The following RBM47 variants were observed in gnomAD, a reference collection of about 807,000 sequenced individuals.
The protein encoded by RBM47 is RNA-binding protein 47.
Under a neutral mutation model 47.1 loss-of-function variants are expected in RBM47, and 21 were observed. The ratio of observed to expected loss-of-function variants is 0.45; its 90% CI spans 0.32 to 0.64. RBM47 has a LOEUF of 0.64. Ranked by LOEUF, RBM47 falls within the 30% of genes least tolerant of loss-of-function variation. The pLI is 0.05. For missense variants in RBM47, 708 were observed against 870.9 expected (o/e 0.81, Z 2.35); for synonymous variants, 375 against 361.7 (o/e 1.04, Z -0.42).
At chr4:40,512,662 C>T (rs1725090389) in intron 2 of RBM47, among the ~76,000 whole-genome samples, 1 of 148,334 alleles carries the variant, frequency 6.7e-6, no homozygotes, top group African/African-American at 2.5e-5. Context: ...TTGCAGTGAG[C>T]CGAGATTGTG....
intron 1 of RBM47, among the ~76,000 whole-genome samples, chr4:40,616,523 G>A (rs981291861): frequency 7.9e-5 from 12 of 151,922 alleles, no homozygotes; most frequent in African/African-American, 2.7e-4. Flanking sequence ...AGCTTCCACC[G>A]CTATAAGCTC....
chr4:40,426,204 A>G, intron 6 of RBM47, 61 bp from the exon 7 acceptor site: 1 of 1,558,382 alleles, frequency 6.4e-7, no homozygotes, highest in Non-Finnish European at 8.7e-7. Context: ...TCATCCATTC[A>G]TTCAACAAGC....
rs992951705 is a variant in RBM47, at chr4:40,423,893, A to G, written c.*2011T>C. 3 of 152,466 alleles carry G rather than the reference A, an allele frequency of 2.0e-5. No homozygotes were observed. The highest frequency in any genetic ancestry group is 6.6e-5 in the Admixed American group (1 of 15,238). 9.4% of individuals were successfully genotyped at this position (152,466 alleles called of 1,614,324 possible). ...GGGATGAGGATCTGATCCGAATTAC[A>G]TTTTGTCGAGTCACTCATTCCCACA... On this transcript the variant is annotated 3_prime_UTR_variant, in exon 7 of 7. Coordinates refer to ENST00000295971, the MANE Select transcript of RBM47 (RefSeq NM_001098634.2).
intron 2 of RBM47, among the ~76,000 whole-genome samples, chr4:40,529,488 C>G (rs1727136759): frequency 7.9e-6 from 1 of 126,272 alleles, no homozygotes; most frequent in Non-Finnish European, 1.6e-5. Context: ...TGCACTCCAG[C>G]CTGGGTGACA....
At chr4:40,594,509 T>TACTGG (rs61336297) in intron 1 of RBM47, among the ~76,000 whole-genome samples, 49,572 of 151,630 alleles carry the variant, frequency 0.33, 9,085 homozygotes, top group African/African-American at 0.49. Flanking sequence ...CTGTCAAAGC[T>TACTGG]ACTCCTCTGC....
intron 2 of RBM47, among the ~76,000 whole-genome samples, chr4:40,503,098 AT>A: frequency 6.6e-6 from 1 of 152,292 alleles, no homozygotes; most frequent in Non-Finnish European, 1.5e-5. Context: ...AAAGTCTGAC[AT>A]TTCTATCTTC....
chr4:40,573,829 AAGAAAG>A (rs1365254186), intron 1 of RBM47, among the ~76,000 whole-genome samples: 1 of 151,786 alleles, frequency 6.6e-6, no homozygotes, highest in East Asian at 1.9e-4. Flanking sequence ...GAAAGAAAGA[AAGAAAG>A]AGAAAGAAAG....
chr4:40,478,009 C>CTTTT lies in RBM47; in HGVS notation c.-154-11314_-154-11311dup, dbSNP rs1194806938. 4.9e-3 allele frequency among the ~76,000 whole-genome samples: 426 copies of CTTTT among 86,298 alleles called. 8 individuals are homozygous for CTTTT. Among genetic ancestry groups the CTTTT allele is most frequent in the African/African-American group, 8.5e-3 (176 of 20,614 alleles). 56.6% of individuals were successfully genotyped at this position (86,298 alleles called of 152,430 possible). On this transcript the variant is annotated intron_variant, in intron 2 of 6. Coordinates refer to ENST00000295971, the MANE Select transcript of RBM47 (RefSeq NM_001098634.2). ...TGCCACATGAGCCATGTGGCATGTT[C>CTTTT]TTTTTTTTTTTTTTTTTTTTTTTGA...
At chr4:40,495,222 G>A (rs1390449137) in intron 2 of RBM47, among the ~76,000 whole-genome samples, 2 of 152,122 alleles carry the variant, frequency 1.3e-5, no homozygotes, top group Non-Finnish European at 2.9e-5. Context: ...GATGACCGAG[G>A]TCCCATAGAA....
intron 1 of RBM47, among the ~76,000 whole-genome samples, chr4:40,596,862 G>A (rs1327125738): frequency 2.0e-5 from 3 of 152,022 alleles, no homozygotes; most frequent in Non-Finnish European, 4.4e-5. Context: ...TCTCTCCAGT[G>A]GTTTATTCCT....
chr4:40,618,801 T>A (rs1472111284), intron 1 of RBM47, among the ~76,000 whole-genome samples: 6 of 94,540 alleles, frequency 6.3e-5, no homozygotes, highest in Non-Finnish European at 9.3e-5. Flanking sequence ...AGAGCGAGAC[T>A]CCATCTCAAA....
chr4:40,606,916 G>C (rs1735811480), intron 1 of RBM47, among the ~76,000 whole-genome samples: 1 of 152,086 alleles, frequency 6.6e-6, no homozygotes, highest in South Asian at 2.1e-4. Flanking sequence ...CCAGGAGATC[G>C]AGGCTGCAGT....
chr4:40,623,840 C>CTTGTTTGT (rs10573363), intron 1 of RBM47, among the ~76,000 whole-genome samples: 23 of 150,446 alleles, frequency 1.5e-4, no homozygotes, highest in East Asian at 1.4e-3. Flanking sequence ...GAGGTATAAA[C>CTTGTTTGT]TTGTTTGTTT....
chr4:40,431,433 C>A (rs574650250), intron 6 of RBM47, among the ~76,000 whole-genome samples: 1 of 151,986 alleles, frequency 6.6e-6, no homozygotes, highest in Non-Finnish European at 1.5e-5. Context: ...CCAAGGTGGG[C>A]GGATCACGAG....
At chr4:40,571,899 T>C (rs1248915177) in intron 1 of RBM47, among the ~76,000 whole-genome samples, 5 of 151,634 alleles carry the variant, frequency 3.3e-5, no homozygotes, top group Non-Finnish European at 5.9e-5. Flanking sequence ...GGTCCATGCC[T>C]GTAATCCCAG....
intron 5 of RBM47, among the ~76,000 whole-genome samples, 158 bp from the exon 6 acceptor site, chr4:40,433,020 G>A (rs1577605604): frequency 6.6e-6 from 1 of 152,142 alleles, no homozygotes; most frequent in South Asian, 2.1e-4. Flanking sequence ...GAATGCAGTG[G>A]TGCGATCAAG....
intron 1 of RBM47, among the ~76,000 whole-genome samples, chr4:40,559,383 C>T (rs1194493691): frequency 3.3e-5 from 5 of 152,096 alleles, no homozygotes; most frequent in Non-Finnish European, 5.9e-5. Context: ...TCTACAATAA[C>T]GAATCAAGTG....
Position 40,468,581 on chromosome 4 carries a change from C to T in RBM47, c.-154-1882G>A, listed in dbSNP as rs946609369. Among the ~76,000 whole-genome samples the T allele has an allele frequency of 2.2e-4, 34 of 152,230 alleles. No individual in the cohort carries two copies. The East Asian group carries it at 5.8e-3, about 26-fold the overall frequency. On this transcript the variant is annotated intron_variant, in intron 2 of 6. Coordinates refer to ENST00000295971, the MANE Select transcript of RBM47 (RefSeq NM_001098634.2). ...GTTGGAAACCTTCTGGATTAAATGG[C>T]CTTTAATATAACTTATAGCTCAAAA...
rs1230192834 is a variant in RBM47 at position 40,437,113 on chromosome 4, A to T, written c.1124-466T>A. Among the ~76,000 whole-genome samples, 256 of 71,622 alleles carry T rather than the reference A, an allele frequency of 3.6e-3. 9 individuals carry two copies. The highest frequency in any genetic ancestry group is 0.021 in the African/African-American group (227 of 10,940). The allele number at this position is 71,622 out of a possible 152,430, so 47.0% of individuals were successfully genotyped here. ...AAAATATATATATATATATATATAAAATACATATATATATATATAAAATAC... is the reference window on the plus strand; with the variant it reads ...AAAATATATATATATATATATATAATATACATATATATATATATAAAATAC... On this transcript the variant is annotated intron_variant, in intron 4 of 6. Transcript: ENST00000295971.
Sources: allele counts gnomAD v4.1 joint callset (sites outside exome capture counted in the v4.1 genomes callset), GRCh38; gene constraint gnomAD v4.1.1; transcripts MANE v1.5; gene names NCBI Gene and HGNC (gene_info 2026-07-23, HGNC 2026-07-21).